The following PTPRD variants were observed in gnomAD, a reference collection of about 807,000 sequenced individuals.
The protein encoded by PTPRD is receptor-type tyrosine-protein phosphatase delta.
PTPRD carries 34 observed loss-of-function variants against 214.5 expected under a neutral mutation model. The observed-to-expected ratio is 0.16, with a 90% CI of 0.12 to 0.21. The LOEUF (loss-of-function observed/expected upper bound fraction) is 0.21, where lower values mean the gene tolerates loss of function less well. PTPRD is among the 10% of genes least tolerant of loss of function. PTPRD has a pLI of 1.00. For missense variants in PTPRD, 2,545 were observed against 2,398.7 expected (o/e 1.06, Z -1.27); for synonymous variants, 1,128 against 845.7 (o/e 1.33, Z -5.79).
chr9:8,894,768 G>C (rs984761343), intron 11 of PTPRD, among the ~76,000 whole-genome samples: 1 of 152,022 alleles, frequency 6.6e-6, no homozygotes, highest in East Asian at 1.9e-4. Flanking sequence ...TTTACTCTTG[G>C]TTGATGGGCT....
In PTPRD at chr9:9,480,072, CTATCAAAAATGCCATGAAAA is replaced by C. The variant is rs2095337903; in HGVS notation, c.-236-82610_-236-82591del. Reference sequence around the variant, plus strand: ...TCAATTGTCCTATCACAGAATGTTGCTATCAAAAATGCCATGAAAATACTGCCCACAAAATTTGTTCCTGG... The same window carrying C: ...TCAATTGTCCTATCACAGAATGTTGCTACTGCCCACAAAATTTGTTCCTGG... On this transcript the variant is annotated intron_variant, in intron 8 of 45. Transcript: ENST00000381196. 2.0e-5 allele frequency among the ~76,000 whole-genome samples: 3 copies of C among 152,220 alleles called. No homozygotes were observed. The South Asian group carries it at 6.2e-4, about 32-fold the overall frequency.
At chr9:8,713,054 A>G (rs35154124) in intron 12 of PTPRD, among the ~76,000 whole-genome samples, 47,207 of 152,044 alleles carry the variant, frequency 0.31, 7,574 homozygotes, top group Non-Finnish European at 0.34. Flanking sequence ...CAAAATAAAA[A>G]TCTCAGAAAT....
chr9:9,675,062 C>T (rs2096903338), intron 7 of PTPRD, among the ~76,000 whole-genome samples: 1 of 151,770 alleles, frequency 6.6e-6, no homozygotes, highest in Non-Finnish European at 1.5e-5. Context: ...TTTATAAAAC[C>T]TCTAGCACAT....
At chr9:9,334,697 C>T (rs1324730679) in intron 9 of PTPRD, among the ~76,000 whole-genome samples, 3 of 151,900 alleles carry the variant, frequency 2.0e-5, no homozygotes, top group African/African-American at 7.2e-5. Flanking sequence ...AAATCACTGA[C>T]CACATTGCCT....
chr9:10,453,012 A>T (rs2098856773), intron 2 of PTPRD, among the ~76,000 whole-genome samples: 1 of 151,626 alleles, frequency 6.6e-6, no homozygotes, highest in Non-Finnish European at 1.5e-5. Flanking sequence ...GTGTGGTATG[A>T]GTTTAATTCC....
chr9:8,513,461 T>A (rs927313049), intron 21 of PTPRD, among the ~76,000 whole-genome samples: 1 of 152,092 alleles, frequency 6.6e-6, no homozygotes, highest in Non-Finnish European at 1.5e-5. Context: ...AACAGGAATG[T>A]GAATGTCACA....
intron 11 of PTPRD, among the ~76,000 whole-genome samples, chr9:8,789,464 C>T (rs1042073443): frequency 2.0e-5 from 3 of 152,166 alleles, no homozygotes; most frequent in African/African-American, 7.2e-5. Flanking sequence ...GTACACATAG[C>T]AGTAGAATTT....
intron 9 of PTPRD, among the ~76,000 whole-genome samples, chr9:9,267,796 A>G (rs996685838): frequency 4.2e-5 from 3 of 72,046 alleles, no homozygotes; most frequent in African/African-American, 1.6e-4. Context: ...TTCAATAGAC[A>G]AAAAAAAAGC....
intron 35 of PTPRD, among the ~76,000 whole-genome samples, chr9:8,417,357 A>G (rs1364632524): frequency 6.6e-6 from 1 of 152,158 alleles, no homozygotes; most frequent in Non-Finnish European, 1.5e-5. Flanking sequence ...AAAGAGAGAA[A>G]GCTGATGCAC....
At chr9:9,787,451 C>T (rs916422490) in intron 5 of PTPRD, among the ~76,000 whole-genome samples, 5 of 147,940 alleles carry the variant, frequency 3.4e-5, no homozygotes, top group African/African-American at 9.9e-5. Flanking sequence ...AAATCCTTTA[C>T]AGTCCAAAAT....
intron 3 of PTPRD, among the ~76,000 whole-genome samples, chr9:10,325,785 A>G (rs574993510): frequency 1.3e-5 from 2 of 152,056 alleles, no homozygotes; most frequent in East Asian, 3.9e-4. Context: ...CAAAATAATG[A>G]CTAAAGGAAG....
chr9:8,500,675 A>G, intron 24 of PTPRD, 79 bp downstream of exon 24: 1 of 1,421,824 alleles, frequency 7.0e-7, no homozygotes, highest in Non-Finnish European at 9.6e-7. Flanking sequence ...GAGAAAAAAG[A>G]TTACTGTGAG....
intron 11 of PTPRD, among the ~76,000 whole-genome samples, chr9:8,837,496 T>TG (rs1555409615): frequency 6.6e-6 from 1 of 151,044 alleles, no homozygotes; most frequent in Admixed American, 6.6e-5. Flanking sequence ...TCTCTTCCTT[T>TG]TTTTGTTTTG....
At chr9:8,761,089 A>G (rs1236762453) in intron 11 of PTPRD, among the ~76,000 whole-genome samples, 1 of 152,322 alleles carries the variant, frequency 6.6e-6, no homozygotes, top group East Asian at 1.9e-4. Flanking sequence ...GGATGAAGCT[A>G]CAGGTAGAAA....
At chr9:10,534,642 T>C (rs833435) in intron 2 of PTPRD, among the ~76,000 whole-genome samples, 31,082 of 152,002 alleles carry the variant, frequency 0.2, 4,311 homozygotes, top group East Asian at 0.51. Context: ...AATTCGTCCT[T>C]ACTAGGTTGG....
intron 35 of PTPRD, among the ~76,000 whole-genome samples, chr9:8,426,874 G>C (rs2094712929): frequency 1.3e-5 from 2 of 151,280 alleles, no homozygotes. Flanking sequence ...TGGAACTTGA[G>C]AAATTACTTG....
At chr9:8,690,220 T>C (rs1175543890) in intron 12 of PTPRD, among the ~76,000 whole-genome samples, 1 of 152,054 alleles carries the variant, frequency 6.6e-6, no homozygotes, top group Non-Finnish European at 1.5e-5. Context: ...CTTTACATAA[T>C]TTTCTTCTTT....
chr9:8,858,838 C>CACAT (rs1262551613), intron 11 of PTPRD, among the ~76,000 whole-genome samples: 38 of 132,848 alleles, frequency 2.9e-4, no homozygotes, highest in African/African-American at 9.0e-4. Context: ...CATACACACA[C>CACAT]ACAGACACAC....
At chr9:8,477,108 A>T (rs2135377262) in intron 30 of PTPRD, among the ~76,000 whole-genome samples, 1 of 151,554 alleles carries the variant, frequency 6.6e-6, no homozygotes, top group East Asian at 1.9e-4. Context: ...AGCTGAAAGA[A>T]CTTGCTTGAA....
Sources: allele counts gnomAD v4.1 joint callset (sites outside exome capture counted in the v4.1 genomes callset), GRCh38; gene constraint gnomAD v4.1.1; transcripts MANE v1.5; gene names NCBI Gene and HGNC (gene_info 2026-07-23, HGNC 2026-07-21).